Variants in C19orf38 observed in about 807,000 individuals in gnomAD.
C19orf38 encodes chromosome 19 open reading frame 38, also known as protein HIDE1.
Under a neutral mutation model 26.6 loss-of-function variants are expected in C19orf38, and 14 were observed. The observed-to-expected ratio is 0.53, with a 90% confidence interval of 0.35 to 0.82. C19orf38 has a LOEUF of 0.82. Among genes scored for constraint, C19orf38 ranks in the 40% least tolerant of loss-of-function variants. C19orf38 has a pLI of 0.01. For missense variants in C19orf38, 261 were observed against 299.5 expected (o/e 0.87, Z 0.95); for synonymous variants, 132 against 128.5 (o/e 1.03, Z -0.18).
At chr19:10,858,831 C>G (rs756323293) in intron 4 of C19orf38, among the ~76,000 whole-genome samples, 1 of 152,082 alleles carries the variant, frequency 6.6e-6, no homozygotes, top group Non-Finnish European at 1.5e-5. Flanking sequence ...TTCTCTCCTC[C>G]GAGAGTGGGG....
At chr19:10,846,615 CT>C (rs2073520598), upstream of C19orf38, among the ~76,000 whole-genome samples, 1 of 151,978 alleles carries the variant, frequency 6.6e-6, no homozygotes, top group African/African-American at 2.4e-5. Context: ...TGATTAGCTC[CT>C]AGGAAGACCG....
At chr19:10,841,853 A>G in intron 1 of C19orf38, 1 of 1,478,506 alleles carries the variant, frequency 6.8e-7, no homozygotes, top group South Asian at 1.1e-5. Context: ...GAACAATCCC[A>G]TTTCCTGAGG....
chr19:10,860,249 G>A (rs2073682660), intron 5 of C19orf38: 1 of 357,358 alleles, frequency 2.8e-6, no homozygotes, highest in Non-Finnish European at 5.3e-6. Context: ...AATACAATTA[G>A]GCGGCCAGGC....
chr19:10,848,762 A>G (rs1382701208), intron 1 of C19orf38, among the ~76,000 whole-genome samples: 1 of 152,090 alleles, frequency 6.6e-6, no homozygotes, highest in East Asian at 1.9e-4. Context: ...TATGAATATC[A>G]GAAATATCAC....
chr19:10,842,728 C>T (rs1413690349), intron 1 of C19orf38, among the ~76,000 whole-genome samples: 1 of 152,036 alleles, frequency 6.6e-6, no homozygotes, highest in Non-Finnish European at 1.5e-5. Context: ...CAGAGAGAGA[C>T]CCTGTCTCAA....
rs768394991 is a variant in C19orf38, at chr19:10,848,555, C to G, written c.31+16C>G. ...TTTGCAGCTGGTGAGTCTGAAGCCC[C>G]CCTCTCAGATCCCCCACGCCTTTCC... is the stretch of plus-strand genomic sequence containing the variant. On this transcript the variant is annotated intron_variant, in intron 1 of 6. Transcript: ENST00000397820. 6.4e-5 allele frequency: 95 copies of G among 1,473,372 alleles called. No individual in the cohort carries two copies. The highest frequency in any genetic ancestry group is 8.1e-5 in the Non-Finnish European group (89 of 1,099,014). The allele number at this position is 1,473,372 out of a possible 1,614,324, so 91.3% of individuals were successfully genotyped here. A position where few individuals can be genotyped will look rare whatever the true frequency, so the allele number is the denominator to read the frequency against.
chr19:10,857,949 A>G (rs1004307122), intron 3 of C19orf38, among the ~76,000 whole-genome samples: 2 of 150,230 alleles, frequency 1.3e-5, no homozygotes, highest in South Asian at 4.2e-4. Context: ...GAGGCCTTCC[A>G]GGCTGGGTGG....
chr19:10,864,995 C>G (rs1303080409), intron 6 of C19orf38, among the ~76,000 whole-genome samples: 1 of 152,186 alleles, frequency 6.6e-6, no homozygotes, highest in East Asian at 1.9e-4. Flanking sequence ...CGGGCCTGTG[C>G]AGCCCTCTGA....
intron 3 of C19orf38, among the ~76,000 whole-genome samples, chr19:10,857,416 G>A (rs1456780718): frequency 7.6e-6 from 1 of 131,136 alleles, no homozygotes; most frequent in East Asian, 2.3e-4. Context: ...CACCCAGGCT[G>A]GAGTGCAGTG....
chr19:10,839,759 C>T (rs1481180108), intron 1 of C19orf38, among the ~76,000 whole-genome samples: 21 of 144,340 alleles, frequency 1.5e-4, no homozygotes, highest in African/African-American at 4.6e-4. Flanking sequence ...GAGACAGTCT[C>T]GCTGTGTTAC....
chr19:10,858,248 A>C (rs1037132838), intron 3 of C19orf38, 68 bp from the exon 4 acceptor site: 31 of 1,272,240 alleles, frequency 2.4e-5, no homozygotes, highest in South Asian at 2.3e-4. Flanking sequence ...AAAAAAAAAA[A>C]AAAACAGAAA....
chr19:10,844,402 CAA>C (rs1249868993), upstream of C19orf38, among the ~76,000 whole-genome samples: 12 of 65,066 alleles, frequency 1.8e-4, no homozygotes, highest in African/African-American at 2.4e-4. Context: ...GACTCCGTCT[CAA>C]AAAAAAAAAA....
intron 2 of C19orf38, among the ~76,000 whole-genome samples, chr19:10,855,792 T>C (rs1027531911): frequency 1.3e-5 from 2 of 151,922 alleles, no homozygotes; most frequent in Non-Finnish European, 2.9e-5. Flanking sequence ...CCTCCCAAAG[T>C]GTGGGGATTA....
rs1230592378 is a variant in C19orf38, at chr19:10,858,412, G to A, written c.461+69G>A. The A allele has an allele frequency of 5.6e-6, 8 of 1,424,086 alleles. No individual in the cohort carries two copies. In the East Asian group the frequency reaches 2.0e-4, roughly 35 times the overall value. The allele number at this position is 1,424,086 out of a possible 1,614,324, so 88.2% of individuals were successfully genotyped here. ...GAAGGACACTTCCCTGGCAGGGTGG[G>A]CACTCCATGCCCCCCACAAACAGCG... On this transcript the variant is annotated intron_variant, in intron 4 of 6. Coordinates refer to ENST00000397820, the MANE Select transcript of C19orf38 (RefSeq NM_001136482.3).
intron 6 of C19orf38, among the ~76,000 whole-genome samples, chr19:10,863,514 C>T (rs991875126): frequency 2.0e-5 from 3 of 152,108 alleles, no homozygotes; most frequent in Non-Finnish European, 4.4e-5. Flanking sequence ...CATGACAGCC[C>T]CTCAGAATGG....
intron 4 of C19orf38, among the ~76,000 whole-genome samples, chr19:10,859,290 G>GTGTGTA (rs1555721420): frequency 3.6e-4 from 48 of 131,540 alleles, no homozygotes; most frequent in African/African-American, 1.3e-3. Flanking sequence ...ATGTGTGTGT[G>GTGTGTA]TATATGTGTG....
chr19:10,837,588 C>T (rs2146232119), intron 1 of C19orf38, among the ~76,000 whole-genome samples: 1 of 140,042 alleles, frequency 7.1e-6, no homozygotes, highest in Middle Eastern at 4.2e-3. Context: ...CTCACTGCAA[C>T]CTCCGTCTCC....
intron 6 of C19orf38, among the ~76,000 whole-genome samples, 152 bp downstream of exon 6, chr19:10,863,359 C>T (rs750346484): frequency 3.9e-5 from 6 of 152,096 alleles, no homozygotes; most frequent in Non-Finnish European, 2.9e-5. Flanking sequence ...AACAGGGACT[C>T]AGTAGTGAGC....
At chr19:10,853,888 G>A (rs1599663428) in intron 2 of C19orf38, among the ~76,000 whole-genome samples, 2 of 148,778 alleles carry the variant, frequency 1.3e-5, no homozygotes, top group South Asian at 4.3e-4. Context: ...GAGCTACCCC[G>A]TCCGGCTAAT....
Sources: allele counts gnomAD v4.1 joint callset (sites outside exome capture counted in the v4.1 genomes callset), GRCh38; gene constraint gnomAD v4.1.1; transcripts MANE v1.5; gene names NCBI Gene and HGNC (gene_info 2026-07-23, HGNC 2026-07-21).